Variants in IQCM observed in about 807,000 individuals in gnomAD.
The protein encoded by IQCM is IQ motif containing M, also known as IQ domain-containing protein M.
Under a neutral mutation model 57.6 loss-of-function variants are expected in IQCM, and 45 were observed. The observed-to-expected ratio is 0.78, with a 90% CI of 0.62 to 1.00. The LOEUF is 1.00. IQCM is among the 50% of genes least tolerant of loss of function. IQCM has a pLI of 0.00. For synonymous variants in IQCM, 148 were observed against 158.9 expected, an observed-to-expected ratio of 0.93 and a Z score of 0.51; for missense variants, 468 against 511.6, an observed-to-expected ratio of 0.91 and a Z score of 0.82.
chr4:149,774,391 G>A (rs918371694), intron 2 of IQCM, among the ~76,000 whole-genome samples: 3 of 152,110 alleles, frequency 2.0e-5, no homozygotes, highest in Non-Finnish European at 4.4e-5. Flanking sequence ...CAACATGCTT[G>A]CAATAAAATA....
chr4:149,658,842 C>T (rs972814729), intron 7 of IQCM, among the ~76,000 whole-genome samples: 1 of 152,012 alleles, frequency 6.6e-6, no homozygotes, highest in Non-Finnish European at 1.5e-5. Flanking sequence ...TGAAACTTTA[C>T]TGAATTCATT....
At chr4:149,693,197 A>G (rs564320729) in intron 5 of IQCM, among the ~76,000 whole-genome samples, 4 of 152,026 alleles carry the variant, frequency 2.6e-5, no homozygotes, top group Non-Finnish European at 5.9e-5. Flanking sequence ...TCATGGGCTC[A>G]TTTTGCTTTG....
At chr4:149,564,017 A>T in intron 9 of IQCM, 127 bp from the exon 10 acceptor site, 2 of 467,644 alleles carry the variant, frequency 4.3e-6, no homozygotes, top group Non-Finnish European at 6.9e-6. Context: ...CATAGAATTC[A>T]ATGTATGATA....
At chr4:149,601,985 C>T (rs1754341448) in intron 8 of IQCM, among the ~76,000 whole-genome samples, 1 of 135,524 alleles carries the variant, frequency 7.4e-6, no homozygotes, top group South Asian at 2.4e-4. Flanking sequence ...ACCCGGGAGG[C>T]GGAGCTTACA....
chr4:149,577,487 A>T (rs1203213341), intron 9 of IQCM, among the ~76,000 whole-genome samples: 1 of 152,002 alleles, frequency 6.6e-6, no homozygotes, highest in Non-Finnish European at 1.5e-5. Flanking sequence ...ATGAATAGGG[A>T]ATCCTTTCCC....
At position 149,459,808 on chromosome 4, in the gene IQCM, T is replaced by C. The variant is rs367835402; in HGVS notation, c.1229-26251A>G. ...TGAATTATATCCCATTATATGTATA[T>C]ACCACATTTTGCTTATCCATTTACC... On this transcript the variant is annotated intron_variant, in intron 12 of 13. Coordinates refer to ENST00000636793, the MANE Select transcript of IQCM (RefSeq NM_001363507.2). Among the ~76,000 whole-genome samples, 78 of 152,350 alleles carry C rather than the reference T, an allele frequency of 5.1e-4. No homozygotes were observed. The East Asian group carries it at 0.011, about 21-fold the overall frequency.
intron 8 of IQCM, among the ~76,000 whole-genome samples, chr4:149,607,091 G>A (rs900730651): frequency 5.3e-5 from 8 of 151,804 alleles, no homozygotes; most frequent in African/African-American, 1.7e-4. Context: ...TTCAACCCAA[G>A]TAAGACTACC....
chr4:149,533,856 A>G (rs1276744426), intron 12 of IQCM, among the ~76,000 whole-genome samples: 1 of 152,124 alleles, frequency 6.6e-6, no homozygotes, highest in Admixed American at 6.6e-5. Context: ...CCAAACCACA[A>G]CACTATTGTT....
chr4:149,526,114 A>G (rs1042972191), intron 12 of IQCM, among the ~76,000 whole-genome samples: 1 of 151,976 alleles, frequency 6.6e-6, no homozygotes, highest in African/African-American at 2.4e-5. Context: ...ATTGATAATC[A>G]TTCTGGAGAT....
chr4:149,560,541 T>C (rs1750021545), intron 10 of IQCM, among the ~76,000 whole-genome samples: 1 of 152,210 alleles, frequency 6.6e-6, no homozygotes, highest in Non-Finnish European at 1.5e-5. Context: ...TTATAATTTT[T>C]AATATCATTA....
At chr4:149,685,744 T>C (rs1762500742) in intron 6 of IQCM, among the ~76,000 whole-genome samples, 1 of 151,604 alleles carries the variant, frequency 6.6e-6, no homozygotes. Context: ...TCTGTAAGTA[T>C]AAATGTTCTT....
At chr4:149,597,083 G>A (rs1421663492) in intron 8 of IQCM, among the ~76,000 whole-genome samples, 2 of 151,040 alleles carry the variant, frequency 1.3e-5, no homozygotes, top group Admixed American at 6.6e-5. Flanking sequence ...ATATATTGAA[G>A]AAACAAAAAA....
At chr4:149,665,232 C>T (rs1760608269) in intron 7 of IQCM, among the ~76,000 whole-genome samples, 1 of 152,088 alleles carries the variant, frequency 6.6e-6, no homozygotes, top group African/African-American at 2.4e-5. Context: ...GGGCCCCTAC[C>T]CCAAGACAAT....
At chr4:149,695,817 G>A (rs900944286) in intron 5 of IQCM, among the ~76,000 whole-genome samples, 4 of 152,064 alleles carry the variant, frequency 2.6e-5, no homozygotes, top group Non-Finnish European at 5.9e-5. Flanking sequence ...CTATTAATAA[G>A]TTTCCAGTGA....
chr4:149,601,540 C>G (rs1754295008), intron 8 of IQCM, among the ~76,000 whole-genome samples: 3 of 152,092 alleles, frequency 2.0e-5, no homozygotes, highest in East Asian at 3.9e-4. Context: ...ACCAACTGTT[C>G]TAGGATAATA....
intron 3 of IQCM, among the ~76,000 whole-genome samples, chr4:149,736,337 T>C (rs552625820): frequency 1.3e-5 from 2 of 152,200 alleles, no homozygotes; most frequent in Non-Finnish European, 2.9e-5. Flanking sequence ...GTCTAAGTTT[T>C]CCTCTTTACA....
intron 12 of IQCM, among the ~76,000 whole-genome samples, chr4:149,487,995 G>T (rs369967024): frequency 6.6e-6 from 1 of 152,140 alleles, no homozygotes; most frequent in East Asian, 1.9e-4. Context: ...GGGGTTAGGG[G>T]GATGAATGGT....
chr4:149,429,484 A>G (rs1734675800), intron 13 of IQCM, among the ~76,000 whole-genome samples: 2 of 151,890 alleles, frequency 1.3e-5, no homozygotes, highest in Non-Finnish European at 2.9e-5. Flanking sequence ...AATATGGGAT[A>G]TAAAAATATG....
At chr4:149,738,420 C>T (rs976661185) in intron 3 of IQCM, among the ~76,000 whole-genome samples, 12 of 152,154 alleles carry the variant, frequency 7.9e-5, no homozygotes, top group Admixed American at 5.2e-4. Context: ...GTTAAATTCC[C>T]AAAGTAGCAT....
Sources: allele counts gnomAD v4.1 joint callset (sites outside exome capture counted in the v4.1 genomes callset), GRCh38; gene constraint gnomAD v4.1.1; transcripts MANE v1.5; gene names NCBI Gene and HGNC (gene_info 2026-07-23, HGNC 2026-07-21).